The following RNF130 variants were observed in gnomAD, a reference collection of about 807,000 sequenced individuals.
The protein encoded by RNF130 is E3 ubiquitin-protein ligase RNF130.
In RNF130, 21 loss-of-function variants were observed where a neutral mutation model predicts 44.6. The ratio of observed to expected loss-of-function variants is 0.47; its 90% CI spans 0.33 to 0.68. RNF130 has a LOEUF of 0.68. RNF130 is among the 30% of genes least tolerant of loss of function. The probability of loss-of-function intolerance (pLI) is 0.02; values close to 1 mark genes in which losing one functional copy is unlikely to be tolerated. For missense variants in RNF130, 479 were observed against 560.6 expected (o/e 0.85, Z 1.47); for synonymous variants, 214 against 210.4 (o/e 1.02, Z -0.15).
At position 179,944,204 on chromosome 5, in the gene RNF130, C is replaced by T. The variant is rs550146491; in HGVS notation, c.1150+22602G>A. On this transcript the variant is annotated intron_variant, in intron 7 of 7. Coordinates refer to the RNF130 transcript ENST00000522208. Reference sequence around the variant, plus strand: ...CAGGCTGGTCTCGAACTCCTGACCTCGTGATCTGCCTGCCTTGGCCTCCCA... The same window carrying T: ...CAGGCTGGTCTCGAACTCCTGACCTTGTGATCTGCCTGCCTTGGCCTCCCA... Among the ~76,000 whole-genome samples the T allele has an allele frequency of 4.6e-5, 7 of 152,162 alleles. No homozygotes were observed. The East Asian group carries it at 5.8e-4, about 13-fold the overall frequency.
At chr5:180,016,234 G>A (rs933592322) in intron 2 of RNF130, among the ~76,000 whole-genome samples, 4 of 152,120 alleles carry the variant, frequency 2.6e-5, no homozygotes, top group Non-Finnish European at 5.9e-5. Flanking sequence ...AGGAGAAAGG[G>A]CCTTCTCCCC....
intron 4 of RNF130, 78 bp from the exon 5 acceptor site, chr5:179,978,363 C>T (rs532672871): frequency 1.1e-6 from 1 of 903,738 alleles, no homozygotes; most frequent in East Asian, 2.5e-5. Context: ...AGCTCAGAAT[C>T]TTTCTGTGGC....
intron 3 of RNF130, among the ~76,000 whole-genome samples, chr5:179,992,703 GATT>G (rs1561683749): frequency 6.6e-6 from 1 of 151,902 alleles, no homozygotes; most frequent in African/African-American, 2.4e-5. Context: ...GTTGAAGTGG[GATT>G]ATTTTTTATT....
chr5:180,064,907 T>C (rs1436254241), intron 1 of RNF130, among the ~76,000 whole-genome samples: 1 of 121,702 alleles, frequency 8.2e-6, no homozygotes, highest in Non-Finnish European at 1.7e-5. Flanking sequence ...AGCCAAGTCC[T>C]GAACTAGGAT....
chr5:180,008,299 A>G (rs1478675102), intron 3 of RNF130, among the ~76,000 whole-genome samples: 1 of 151,964 alleles, frequency 6.6e-6, no homozygotes, highest in Non-Finnish European at 1.5e-5. Flanking sequence ...GCCAGGCGCC[A>G]AGGGCAAAAT....
Position 180,040,657 on chromosome 5 carries a change from AAAAG to A in RNF130, c.248-14_248-11del. The A allele has an allele frequency of 6.2e-7, 1 of 1,608,790 alleles. No individual in the cohort carries two copies. Among genetic ancestry groups the A allele is most frequent in the Non-Finnish European group, 8.5e-7 (1 of 1,177,584 alleles). On this transcript the variant is annotated splice_polypyrimidine_tract_variant and intron_variant, in intron 1 of 8. Coordinates refer to ENST00000521389, the MANE Select transcript of RNF130 (RefSeq NM_018434.6). ...CCCAGATGATCAGCAACTGAAAAGA[AAAAG>A]AAATACACACATTAAAGATAAATAA...
chr5:180,010,211 C>T (rs577326094), intron 3 of RNF130, among the ~76,000 whole-genome samples: 3 of 123,930 alleles, frequency 2.4e-5, no homozygotes, highest in Non-Finnish European at 4.8e-5. Flanking sequence ...CCAGCCGCTG[C>T]ACTCCAGCCT....
At chr5:179,941,394 T>C (rs1477338440) in intron 7 of RNF130, among the ~76,000 whole-genome samples, 3 of 152,256 alleles carry the variant, frequency 2.0e-5, no homozygotes, top group Non-Finnish European at 2.9e-5. Flanking sequence ...GGCTTCTGTC[T>C]TTGAGATGAG....
rs77046728 is a variant in RNF130, at chr5:180,046,116, G to A, written c.248-5469C>T. On this transcript the variant is annotated intron_variant, in intron 1 of 8. Coordinates refer to ENST00000521389, the MANE Select transcript of RNF130 (RefSeq NM_018434.6). ...TGAGGCCCCACGAGAATCTGTGCGC[G>A]GTGGACCGCGGCGCGTGCAGGCCCA... Among the ~76,000 whole-genome samples, 887 of 152,286 alleles carry A rather than the reference G, an allele frequency of 5.8e-3. 7 individuals are homozygous for A. The highest frequency in any genetic ancestry group is 0.02 in the African/African-American group (837 of 41,570).
chr5:179,951,594 A>G (rs992349747), downstream of RNF130, among the ~76,000 whole-genome samples: 1 of 152,178 alleles, frequency 6.6e-6, no homozygotes, highest in Non-Finnish European at 1.5e-5. Context: ...CGTGTTGGCC[A>G]GGATGGTCTC....
chr5:180,057,513 G>A (rs1321731082), intron 1 of RNF130, among the ~76,000 whole-genome samples: 4 of 151,750 alleles, frequency 2.6e-5, no homozygotes, highest in East Asian at 1.9e-4. Flanking sequence ...GTACCACTGC[G>A]CTCCAGCCTG....
rs1351450535 is a variant in RNF130 at position 180,048,857 on chromosome 5, C to T, written c.248-8210G>A. ...CTCCCTGTTCATATTCAGTGGGAGA[C>T]AGAAAAAGCCAACCCTCCAGGTATG... On this transcript the variant is annotated intron_variant, in intron 1 of 8. Coordinates refer to ENST00000521389, the MANE Select transcript of RNF130 (RefSeq NM_018434.6). 2.0e-5 allele frequency among the ~76,000 whole-genome samples: 3 copies of T among 152,136 alleles called. No individual in the cohort carries two copies. The East Asian group carries it at 5.8e-4, about 29-fold the overall frequency.
intron 2 of RNF130, among the ~76,000 whole-genome samples, chr5:180,024,206 C>T (rs1763937440): frequency 6.6e-6 from 1 of 151,998 alleles, no homozygotes; most frequent in Admixed American, 6.6e-5. Flanking sequence ...ATCATGATGA[C>T]TAAATGTAAT....
chr5:179,992,112 A>T (rs1763096413), intron 3 of RNF130, among the ~76,000 whole-genome samples: 1 of 152,104 alleles, frequency 6.6e-6, no homozygotes, highest in African/African-American at 2.4e-5. Flanking sequence ...GGTCTAGATC[A>T]TTGTTGGGAA....
chr5:180,007,264 G>A (rs1463631678), intron 3 of RNF130, among the ~76,000 whole-genome samples: 1 of 152,122 alleles, frequency 6.6e-6, no homozygotes, highest in Non-Finnish European at 1.5e-5. Flanking sequence ...AGCCAGGCAT[G>A]GTGACACACA....
At chr5:179,935,100 T>C (rs745702760) in intron 7 of RNF130, among the ~76,000 whole-genome samples, 15 of 152,364 alleles carry the variant, frequency 9.8e-5, no homozygotes, top group Non-Finnish European at 2.1e-4. Flanking sequence ...ATTTCTTCTT[T>C]GATTCATGAC....
chr5:179,978,018 G>A (rs1396833519), intron 5 of RNF130, among the ~76,000 whole-genome samples, 185 bp downstream of exon 5: 2 of 152,208 alleles, frequency 1.3e-5, no homozygotes, highest in South Asian at 2.1e-4. Flanking sequence ...CGTGCAGCCC[G>A]CACCTGCTGA....
chr5:179,958,773 G>C (rs544745881), intron 8 of RNF130, among the ~76,000 whole-genome samples: 45 of 152,048 alleles, frequency 3.0e-4, no homozygotes, highest in African/African-American at 1.1e-3. Context: ...TGCAACCTTC[G>C]CCTCCCAGGT....
chr5:180,036,188 C>T (rs1031636255), intron 2 of RNF130, among the ~76,000 whole-genome samples: 6 of 152,098 alleles, frequency 3.9e-5, no homozygotes, highest in Admixed American at 3.9e-4. Context: ...GCCTTGTCTG[C>T]TTGTTCACTT....
Sources: allele counts gnomAD v4.1 joint callset (sites outside exome capture counted in the v4.1 genomes callset), GRCh38; gene constraint gnomAD v4.1.1; transcripts MANE v1.5; gene names NCBI Gene and HGNC (gene_info 2026-07-23, HGNC 2026-07-21).